The following SMARCA4 variants were observed in gnomAD, a reference collection of about 807,000 sequenced individuals.
SMARCA4 encodes SWI/SNF-related matrix-associated actin-dependent regulator of chromatin subfamily A member 4.
In SMARCA4, 31 loss-of-function variants were observed where a neutral mutation model predicts 193.9. The observed-to-expected ratio is 0.16, with a 90% confidence interval of 0.12 to 0.22. The LOEUF (loss-of-function observed/expected upper bound fraction) is 0.22, where lower values mean the gene tolerates loss of function less well. SMARCA4 is among the 10% of genes least tolerant of loss of function. The probability of loss-of-function intolerance (pLI) is 1.00; values close to 1 mark genes in which losing one functional copy is unlikely to be tolerated. For synonymous variants in SMARCA4, 942 were observed against 933.1 expected (o/e 1.01, Z -0.17); for missense variants, 1,148 against 2,296.0 (o/e 0.50, Z 10.22).
rs1469913246 is a variant in SMARCA4, at chr19:11,019,435, C to T, written c.2506-156C>T. ...TGTTCTGCGTGGTGAGGTCTGGGGA[C>T]GCGCCAGCGGCCCTGCCAGCCCCTT... On this transcript the variant is annotated intron_variant, in intron 17 of 34. Transcript: ENST00000344626. This position sits in a 1 kb window ranked among gnomAD's most constrained non-coding sequence, Gnocchi z 6.1. The T allele has an allele frequency of 1.5e-5, 10 of 652,128 alleles. No individual in the cohort carries two copies. The highest frequency in any genetic ancestry group is 3.6e-5 in the African/African-American group (2 of 56,230). The allele number at this position is 652,128 out of a possible 1,614,324, so 40.4% of individuals were successfully genotyped here. A position where few individuals can be genotyped will look rare whatever the true frequency, so the allele number is the denominator to read the frequency against.
At chr19:11,023,063 A>G (rs546740409) in intron 19 of SMARCA4, among the ~76,000 whole-genome samples, 10 of 152,212 alleles carry the variant, frequency 6.6e-5, no homozygotes, top group Non-Finnish European at 1.3e-4. Context: ...ACCCAGGCTG[A>G]ATGAGAGTCC....
rs1205030696 is a variant in SMARCA4 at position 11,061,828 on chromosome 19, C to G, written c.*12C>G. 1.9e-6 allele frequency: 3 copies of G among 1,613,450 alleles called. No individual in the cohort carries two copies. The highest frequency in any genetic ancestry group is 2.5e-6 in the Non-Finnish European group (3 of 1,179,584). On this transcript the variant is annotated 3_prime_UTR_variant, in exon 35 of 35. Coordinates refer to ENST00000344626, the MANE Select transcript of SMARCA4 (RefSeq NM_003072.5). ...GCGAAGAAGACTGAGCCCCGACATT[C>G]CAGTCTCGACCCCGAGCCCCTCGTT... is the stretch of plus-strand genomic sequence containing the variant.
chr19:11,015,005 G>A (rs1803997541), intron 16 of SMARCA4, among the ~76,000 whole-genome samples: 1 of 151,798 alleles, frequency 6.6e-6, no homozygotes, highest in Non-Finnish European at 1.5e-5. Flanking sequence ...AGTAGAGACA[G>A]GGTTTCTCCA....
chr19:10,990,893 G>T, intron 7 of SMARCA4, among the ~76,000 whole-genome samples: 1 of 152,320 alleles, frequency 6.6e-6, no homozygotes, highest in East Asian at 1.9e-4. Flanking sequence ...CTCCTAAGAC[G>T]TGTGTGTGGT....
At chr19:11,061,699 GT>G in intron 34 of SMARCA4, 84 bp from the exon 35 acceptor site, 2 of 1,330,448 alleles carry the variant, frequency 1.5e-6, no homozygotes, top group South Asian at 1.2e-5. Flanking sequence ...TCTTGAGCAA[GT>G]TTATTTAAAG....
At position 10,984,500 on chromosome 19, in the gene SMARCA4, C is replaced by A; in HGVS notation, c.222+127C>A. The A allele has an allele frequency of 6.7e-7, 1 of 1,492,678 alleles. No individual in the cohort carries two copies. Among genetic ancestry groups the A allele is most frequent in the Non-Finnish European group, 9.1e-7 (1 of 1,101,210 alleles). 92.5% of individuals were successfully genotyped at this position (1,492,678 alleles called of 1,614,324 possible). A position where few individuals can be genotyped will look rare whatever the true frequency, so the allele number is the denominator to read the frequency against. On this transcript the variant is annotated intron_variant, in intron 2 of 34. Transcript: ENST00000344626. This position sits in a 1 kb window ranked among gnomAD's most constrained non-coding sequence, Gnocchi z 4.3. ...TCTTGTTGGAGGTGTCCTGCCTTGG[C>A]TCAGCCCCCTACCCCAGGGCCCACG...
chr19:11,058,106 C>CAA lies in SMARCA4; in HGVS notation c.4425-137_4425-136dup, dbSNP rs34910111. 3,616 of 542,126 alleles carry CAA rather than the reference C, an allele frequency of 6.7e-3. No homozygotes were observed. The highest frequency in any genetic ancestry group is 0.013 in the Middle Eastern group (26 of 2,006). 33.6% of individuals were successfully genotyped at this position (542,126 alleles called of 1,614,324 possible). A position where few individuals can be genotyped will look rare whatever the true frequency, so the allele number is the denominator to read the frequency against. ...GGGCAGCAAGAGCGAAACTCCGTCT[C>CAA]AAAAAAAAAAAAAGCGCATGTGCAA... is the stretch of plus-strand genomic sequence containing the variant. On this transcript the variant is annotated intron_variant, in intron 30 of 34. Coordinates refer to ENST00000344626, the MANE Select transcript of SMARCA4 (RefSeq NM_003072.5). The surrounding 1 kb of genome is among the most constrained non-coding windows in gnomAD (Gnocchi z 5.8).
rs569343133 is a variant in SMARCA4 at position 11,005,406 on chromosome 19, T to C, written c.2001+2009T>C. Among the ~76,000 whole-genome samples the C allele has an allele frequency of 2.6e-5, 4 of 152,338 alleles. No homozygotes were observed. In the South Asian group the frequency reaches 8.3e-4, roughly 32 times the overall value. On this transcript the variant is annotated intron_variant, in intron 13 of 34. Transcript: ENST00000344626. ...GCAGTGTTTCTTTGTCACTTAGTGG[T>C]CATCCAAAGATTGGCCACAGTTTGT...
intron 30 of SMARCA4, among the ~76,000 whole-genome samples, chr19:11,055,612 G>A (rs537969470): frequency 3.9e-5 from 6 of 152,008 alleles, no homozygotes; most frequent in Admixed American, 6.6e-5. Context: ...TCACTTCCTG[G>A]GCTCTCTGCA....
chr19:11,053,488 G>A (rs1427892332), intron 30 of SMARCA4, among the ~76,000 whole-genome samples: 3 of 151,146 alleles, frequency 2.0e-5, no homozygotes, highest in Non-Finnish European at 4.4e-5. Flanking sequence ...TCAAATCTCA[G>A]TGTCGATAAA....
At position 11,025,650 on chromosome 19, in the gene SMARCA4, T is replaced by G. The variant is rs1053843381; in HGVS notation, c.3168+142T>G. ...GCCTGTACATCTGTCTCTCATTTGGTCTTCGCTTCACCAGTGCTTACGGGA... is the reference window on the plus strand; with the variant it reads ...GCCTGTACATCTGTCTCTCATTTGGGCTTCGCTTCACCAGTGCTTACGGGA... On this transcript the variant is annotated intron_variant, in intron 22 of 34. Coordinates refer to ENST00000344626, the MANE Select transcript of SMARCA4 (RefSeq NM_003072.5). 8 of 694,444 alleles carry G rather than the reference T, an allele frequency of 1.2e-5. No individual in the cohort carries two copies. The Admixed American group carries it at 1.2e-4, about 11-fold the overall frequency. The allele number at this position is 694,444 out of a possible 1,614,324, so 43.0% of individuals were successfully genotyped here.
At chr19:10,968,601 A>G (rs2084424889) in intron 1 of SMARCA4, among the ~76,000 whole-genome samples, 1 of 151,396 alleles carries the variant, frequency 6.6e-6, no homozygotes, top group Non-Finnish European at 1.5e-5. Context: ...TCCAGCCTCC[A>G]CTTCCTGACT....
chr19:11,022,249 A>C lies in SMARCA4; in HGVS notation c.2859+282A>C, dbSNP rs112644666. Among the ~76,000 whole-genome samples, 8,375 of 152,248 alleles carry C rather than the reference A, an allele frequency of 0.055. 744 individuals are homozygous for C. The highest frequency in any genetic ancestry group is 0.18 in the African/African-American group (7,285 of 41,526). ...GTGGATGGTGAGGAAGATGGCCCTG[A>C]GGCAGCTGTGGGACCGCAAGCGTGT... On this transcript the variant is annotated intron_variant, in intron 19 of 34. Transcript: ENST00000344626.
In SMARCA4 at chr19:11,061,916, G is replaced by C; in HGVS notation, c.*100G>C. On this transcript the variant is annotated 3_prime_UTR_variant, in exon 35 of 35. Coordinates refer to ENST00000344626, the MANE Select transcript of SMARCA4 (RefSeq NM_003072.5). ...TAGCAGCAGATGTAGTTTCAGACTT[G>C]GAGTAAAACTGTATAAACAAAAGAA... 9.0e-7 allele frequency: 1 copy of C among 1,106,940 alleles called. No homozygotes were observed. The highest frequency in any genetic ancestry group is 1.2e-5 in the South Asian group (1 of 80,906). 68.6% of individuals were successfully genotyped at this position (1,106,940 alleles called of 1,614,324 possible). A position where few individuals can be genotyped will look rare whatever the true frequency, so the allele number is the denominator to read the frequency against.
chr19:10,997,309 C>T (rs1342066947), intron 11 of SMARCA4, among the ~76,000 whole-genome samples: 1 of 152,158 alleles, frequency 6.6e-6, no homozygotes, highest in Non-Finnish European at 1.5e-5. Flanking sequence ...CGCCATTCTC[C>T]TGCCTCAGCC....
rs1340832237 is a variant in SMARCA4, at chr19:11,034,717, G to T, written c.3952-197G>T. ...TTTTCGAGTTTCCTCTGCCTCCTGA[G>T]GCAGAGCCTCTAGTCAGGGTCTGAC... is the stretch of plus-strand genomic sequence containing the variant. On this transcript the variant is annotated intron_variant, in intron 28 of 34. Transcript: ENST00000344626. This position sits in a 1 kb window ranked among gnomAD's most constrained non-coding sequence, Gnocchi z 7.0. Among the ~76,000 whole-genome samples the T allele has an allele frequency of 6.6e-6, 1 of 152,172 alleles. No individual in the cohort carries two copies. Among genetic ancestry groups the T allele is most frequent in the East Asian group, 1.9e-4 (1 of 5,156 alleles).
chr19:10,994,917 A>C lies in SMARCA4; in HGVS notation c.1509A>C (p.Ala503=). The C allele has an allele frequency of 6.2e-7, 1 of 1,614,124 alleles. No individual in the cohort carries two copies. The highest frequency in any genetic ancestry group is 8.5e-7 in the Non-Finnish European group (1 of 1,179,946). ...GCAAAATCCAGAAGCTGACCAAGGC[A>C]GTGGCCACGTACCATGCCAACACGG... ...VTGKIQKLTK[A]VATYHANTER... The change falls in exon 9 of 35, where the codon GCA becomes GCC. Residue 503 remains alanine (A), a synonymous_variant. Transcript: ENST00000344626.
chr19:10,982,758 C>T (rs1416206011), intron 1 of SMARCA4, among the ~76,000 whole-genome samples: 1 of 152,064 alleles, frequency 6.6e-6, no homozygotes, highest in Non-Finnish European at 1.5e-5. Context: ...CCCGCCTTGG[C>T]CTCCCAAAGT....
intron 22 of SMARCA4, chr19:11,025,764 T>C (rs2146505165): frequency 2.0e-6 from 1 of 500,172 alleles, no homozygotes; most frequent in South Asian, 2.0e-5. Context: ...TGGAGACTTC[T>C]CTGGGGATGT....
Sources: gnomAD v4.1 joint callset for allele counts (sites outside exome capture counted in the v4.1 genomes callset) on GRCh38, gnomAD v4.1.1 for gene constraint, Gnocchi (gnomAD v3.1) non-coding constraint, MANE v1.5 for transcripts, NCBI Gene and HGNC (gene_info 2026-07-23, HGNC 2026-07-21) for gene names.